The following HYAL4 variants were observed in gnomAD, a reference collection of about 807,000 sequenced individuals.
HYAL4 encodes the protein hyaluronidase-4.
HYAL4 carries 37 observed loss-of-function variants against 35.2 expected under a neutral mutation model. That is an observed-to-expected ratio of 1.05 (90% CI 0.81 to 1.38). The LOEUF is 1.38. Ranked by LOEUF, HYAL4 falls within the 40% of genes most tolerant of loss-of-function variation. HYAL4 has a pLI of 0.00. For missense variants in HYAL4, 572 were observed against 572.4 expected (o/e 1.00, Z 0.01); for synonymous variants, 198 against 203.2 (o/e 0.97, Z 0.22).
chr7:123,784,217 T>C, the HYAL4 span, among the ~76,000 whole-genome samples: 1 of 152,222 alleles, frequency 6.6e-6, no homozygotes, highest in Non-Finnish European at 1.5e-5. Flanking sequence ...AATAAGGTGT[T>C]AGATAAGTGA....
At chr7:123,787,107 C>CAAA in the HYAL4 span, among the ~76,000 whole-genome samples, 5 of 49,130 alleles carry the variant, frequency 1.0e-4, no homozygotes, top group African/African-American at 2.3e-4. Context: ...AACTCTGTCT[C>CAAA]AAAAAAAAAA....
the HYAL4 span, among the ~76,000 whole-genome samples, chr7:123,817,497 A>G: frequency 2.7e-5 from 4 of 146,582 alleles, no homozygotes; most frequent in African/African-American, 1.0e-4. Flanking sequence ...TTCCCCTCCA[A>G]TGCATTCTTC....
At chr7:123,841,782 G>A (rs1008784388), upstream of HYAL4, among the ~76,000 whole-genome samples, 1 of 152,018 alleles carries the variant, frequency 6.6e-6, no homozygotes, top group Non-Finnish European at 1.5e-5. Flanking sequence ...TATTTGCATA[G>A]AGGTGTTTAT....
At chr7:123,834,726 T>C (rs905689194) in intron 1 of HYAL4, among the ~76,000 whole-genome samples, 13 of 152,232 alleles carry the variant, frequency 8.5e-5, no homozygotes, top group Admixed American at 7.2e-4. Context: ...TTGTCATAGA[T>C]AGCTTTTATT....
At chr7:123,792,859 T>G in the HYAL4 span, among the ~76,000 whole-genome samples, 1 of 152,032 alleles carries the variant, frequency 6.6e-6, no homozygotes, top group Admixed American at 6.5e-5. Flanking sequence ...TCAGGTAAGG[T>G]CAAGCTCCCT....
At chr7:123,869,686 G>T (rs1024654869) in intron 3 of HYAL4, among the ~76,000 whole-genome samples, 5 of 141,100 alleles carry the variant, frequency 3.5e-5, no homozygotes, top group South Asian at 2.3e-4. Context: ...TCTTTGTTTT[G>T]TTTTTTTTTT....
At chr7:123,792,080 G>A in the HYAL4 span, among the ~76,000 whole-genome samples, 1 of 152,152 alleles carries the variant, frequency 6.6e-6, no homozygotes, top group South Asian at 2.1e-4. Flanking sequence ...TCACTCTGAG[G>A]ACAAGGGAAC....
upstream of HYAL4, among the ~76,000 whole-genome samples, chr7:123,840,224 CA>C (rs1806031244): frequency 1.3e-5 from 2 of 152,156 alleles, no homozygotes; most frequent in African/African-American, 4.8e-5. Flanking sequence ...GTTTTCCCAG[CA>C]CCATTTATTA....
chr7:123,828,275 T>C (rs1256687945), upstream of HYAL4, among the ~76,000 whole-genome samples: 1 of 152,122 alleles, frequency 6.6e-6, no homozygotes, highest in Non-Finnish European at 1.5e-5. Context: ...TATGAAATAC[T>C]GACCAGCAAT....
chr7:123,796,721 T>C, the HYAL4 span, among the ~76,000 whole-genome samples: 1 of 152,190 alleles, frequency 6.6e-6, no homozygotes, highest in African/African-American at 2.4e-5. Context: ...CAACAGAATG[T>C]AGTATATATA....
At chr7:123,873,854 T>A (rs1261807646) in intron 3 of HYAL4, among the ~76,000 whole-genome samples, 1 of 152,214 alleles carries the variant, frequency 6.6e-6, no homozygotes, top group Non-Finnish European at 1.5e-5. Flanking sequence ...GACTTTACCA[T>A]GACTGGATGA....
the HYAL4 span, among the ~76,000 whole-genome samples, chr7:123,764,379 A>C: frequency 6.6e-6 from 1 of 152,164 alleles, no homozygotes; most frequent in Non-Finnish European, 1.5e-5. Context: ...CTTGCATCTA[A>C]TCCCCTCACA....
chr7:123,836,434 T>G (rs931819496), intron 1 of HYAL4, among the ~76,000 whole-genome samples: 46 of 152,192 alleles, frequency 3.0e-4, no homozygotes, highest in African/African-American at 1.1e-3. Context: ...GCATGGAATA[T>G]CTTTTTCCAC....
chr7:123,785,610 A>G, the HYAL4 span, among the ~76,000 whole-genome samples: 282 of 152,332 alleles, frequency 1.9e-3, no homozygotes, highest in African/African-American at 6.5e-3. This position sits in a 1 kb window ranked among gnomAD's most constrained non-coding sequence, Gnocchi z 4.5. Flanking sequence ...CATATATTGT[A>G]AAGAAGTGAT....
At chr7:123,821,870 T>A in the HYAL4 span, among the ~76,000 whole-genome samples, 1 of 152,172 alleles carries the variant, frequency 6.6e-6, no homozygotes, top group African/African-American at 2.4e-5. Context: ...CCTACAGATA[T>A]CTAGTTTTCC....
At chr7:123,822,549 G>A in the HYAL4 span, among the ~76,000 whole-genome samples, 1 of 151,786 alleles carries the variant, frequency 6.6e-6, no homozygotes, top group Non-Finnish European at 1.5e-5. Context: ...TAGTTTTTAG[G>A]GTTTTCTATA....
rs1787152634 is a variant in HYAL4 at position 123,877,003 on chromosome 7, A to C, written c.1294A>C (p.Thr432Pro). The C allele has an allele frequency of 6.2e-7, 1 of 1,614,234 alleles. No homozygotes were observed. The highest frequency in any genetic ancestry group is 8.5e-7 in the Non-Finnish European group (1 of 1,180,028). The change falls in exon 5 of 5, where the codon ACA becomes CCA. Residue 432 changes from threonine (T) to proline (P), a missense_variant. By Grantham distance (38) the Thr-to-Pro change is conservative. Transcript: ENST00000223026. ...TACAGACCTGGCAGTGATGGCAGAT[A>C]CATTTTCCTGTCATTGTTATCAGGG... ...SDTDLAVMAD[T>P]FSCHCYQGYE...
the HYAL4 span, among the ~76,000 whole-genome samples, chr7:123,802,625 C>T: frequency 1.3e-4 from 20 of 151,794 alleles, no homozygotes; most frequent in Middle Eastern, 3.4e-3. Context: ...GACGTCCCTA[C>T]AAAAGAATAC....
chr7:123,868,512 C>G lies in HYAL4; in HGVS notation c.239C>G (p.Ala80Gly), dbSNP rs761323827. Residue 80 changes from alanine (A) to glycine (G), a missense_variant, in exon 3 of 5, where the codon GCC (alanine) becomes GGC (glycine). By Grantham distance (60) the Ala-to-Gly change is moderately conservative. Coordinates refer to ENST00000223026, the MANE Select transcript of HYAL4 (RefSeq NM_012269.3). Reference protein sequence around the residue: ...KMFPVIGSPLAKARGQNVTIF... With the variant: ...KMFPVIGSPLGKARGQNVTIF... ...TTTCCTGTGATTGGAAGCCCACTGGCCAAGGCCAGGGGGCAAAATGTCACT... is the reference window on the plus strand; with the variant it reads ...TTTCCTGTGATTGGAAGCCCACTGGGCAAGGCCAGGGGGCAAAATGTCACT... 1.9e-6 allele frequency: 3 copies of G among 1,608,602 alleles called. No individual in the cohort carries two copies. The highest frequency in any genetic ancestry group is 2.5e-6 in the Non-Finnish European group (3 of 1,178,532).
Sources: allele counts gnomAD v4.1 joint callset (sites outside exome capture counted in the v4.1 genomes callset), GRCh38; gene constraint gnomAD v4.1.1; non-coding constraint Gnocchi (gnomAD v3.1); transcripts MANE v1.5; gene names NCBI Gene and HGNC (gene_info 2026-07-23, HGNC 2026-07-21).